Variants in OSBPL5 observed in about 807,000 individuals in gnomAD.
OSBPL5 encodes the protein oxysterol binding protein like 5.
In OSBPL5, 71 loss-of-function variants were observed where a neutral mutation model predicts 111.2. The ratio of observed to expected loss-of-function variants is 0.64; its 90% CI spans 0.53 to 0.78. OSBPL5 has a LOEUF of 0.78. Among genes scored for constraint, OSBPL5 ranks in the 30% least tolerant of loss-of-function variants. The pLI, the probability that OSBPL5 is intolerant of heterozygous loss-of-function variation, is 0.00. For missense variants in OSBPL5, 1,210 were observed against 1,189.3 expected (o/e 1.02, Z -0.26); for synonymous variants, 549 against 513.9 (o/e 1.07, Z -0.93).
intron 3 of OSBPL5, among the ~76,000 whole-genome samples, chr11:3,123,861 C>A (rs1048313253): frequency 6.6e-6 from 1 of 152,218 alleles, no homozygotes; most frequent in African/African-American, 2.4e-5. Flanking sequence ...GAAATCAAGG[C>A]ACAGAGAGGT....
At chr11:3,100,090 G>A in intron 14 of OSBPL5, 68 bp downstream of exon 14, 1 of 1,408,030 alleles carries the variant, frequency 7.1e-7, no homozygotes, top group Non-Finnish European at 1.0e-6. Flanking sequence ...ATAACCAAAG[G>A]GTTTTAGCAT....
In OSBPL5 at chr11:3,120,529, C is replaced by G. The variant is rs774515590; in HGVS notation, c.498G>C (p.Val166=). 1.5e-5 allele frequency: 24 copies of G among 1,613,222 alleles called. No homozygotes were observed. The highest frequency in any genetic ancestry group is 1.9e-5 in the Non-Finnish European group (23 of 1,180,018). Residue 166 remains valine, a synonymous_variant, in exon 6 of 22, where the codon GTG becomes GTC. Transcript: ENST00000263650. The stretch of plus-strand genomic sequence containing the variant: ...CGCAGCAGTGCAGCAGCACCGTGCC[C>G]ACCCACTGGCCCACCTTGGGCGTCT... ...IYKTPKVGQW[V]GTVLLHCCEL... is the part of the protein sequence containing the mutation.
In OSBPL5 at chr11:3,154,821, C is replaced by T. The variant is rs148727724; in HGVS notation, c.-22+10395G>A. 0.021 allele frequency among the ~76,000 whole-genome samples: 3,203 copies of T among 152,128 alleles called. 64 individuals carry two copies. Among genetic ancestry groups the T allele is most frequent in the African/African-American group, 0.04 (1,673 of 41,474 alleles). On this transcript the variant is annotated intron_variant, in intron 1 of 21. Transcript: ENST00000263650. The surrounding 1 kb of genome is among the most constrained non-coding windows in gnomAD (Gnocchi z 4.9). ...CCCCCTATATACCTAATGTAAATGA[C>T]GAGTTAATGGGTGCGGCACACCAAC...
chr11:3,132,747 G>A (rs1845846465), intron 1 of OSBPL5, among the ~76,000 whole-genome samples: 1 of 152,192 alleles, frequency 6.6e-6, no homozygotes. Context: ...GATTCTCCAC[G>A]TAGCACTGGG....
chr11:3,143,503 G>A (rs529954822), intron 1 of OSBPL5, among the ~76,000 whole-genome samples: 22 of 152,306 alleles, frequency 1.4e-4, no homozygotes, highest in African/African-American at 4.6e-4. Context: ...TGCAACGGAT[G>A]GAAGAACATT....
chr11:3,093,256 C>T (rs1373265712), intron 17 of OSBPL5: 2 of 740,858 alleles, frequency 2.7e-6, no homozygotes, highest in Non-Finnish European at 4.3e-6. Flanking sequence ...TCCCATCTCC[C>T]GCCTGCAGGG....
rs1283906180 is a variant in OSBPL5, at chr11:3,092,400, C to A, written c.2259+32G>T. The stretch of plus-strand genomic sequence containing the variant: ...GTGGTGGCCACACGTGCAGCTAAGA[C>A]CAGCCCTGGGTGGGGCCTGTGGGGT... On this transcript the variant is annotated intron_variant, in intron 19 of 21. Coordinates refer to ENST00000263650, the MANE Select transcript of OSBPL5 (RefSeq NM_020896.4). This position sits in a 1 kb window ranked among gnomAD's most constrained non-coding sequence, Gnocchi z 5.4. 6.5e-7 allele frequency: 1 copy of A among 1,547,696 alleles called. No individual in the cohort carries two copies. Among genetic ancestry groups the A allele is most frequent in the South Asian group, 1.2e-5 (1 of 83,686 alleles).
At position 3,109,794 on chromosome 11, in the gene OSBPL5, T is replaced by C. The variant is rs1857850989; in HGVS notation, c.692-1849A>G. Among the ~76,000 whole-genome samples the C allele has an allele frequency of 6.6e-6, 1 of 152,160 alleles. No individual in the cohort carries two copies. Among genetic ancestry groups the C allele is most frequent in the Non-Finnish European group, 1.5e-5 (1 of 68,022 alleles). ...GTTGGCCCCAGGGCCTGAACACGTGTGCTTTGTAGCTGCCACAAAGGACTA... is the reference window on the plus strand; with the variant it reads ...GTTGGCCCCAGGGCCTGAACACGTGCGCTTTGTAGCTGCCACAAAGGACTA... On this transcript the variant is annotated intron_variant, in intron 7 of 21. Coordinates refer to ENST00000263650, the MANE Select transcript of OSBPL5 (RefSeq NM_020896.4). The surrounding 1 kb of genome is among the most constrained non-coding windows in gnomAD (Gnocchi z 7.4).
Position 3,088,110 on chromosome 11 carries a change from T to G in OSBPL5, c.*95A>C. 6 of 1,229,216 alleles carry G rather than the reference T, an allele frequency of 4.9e-6. No homozygotes were observed. Among genetic ancestry groups the G allele is most frequent in the Non-Finnish European group, 6.5e-6 (6 of 921,262 alleles). 76.1% of individuals were successfully genotyped at this position (1,229,216 alleles called of 1,614,324 possible). A position where few individuals can be genotyped will look rare whatever the true frequency, so the allele number is the denominator to read the frequency against. On this transcript the variant is annotated 3_prime_UTR_variant, in exon 22 of 22. Transcript: ENST00000263650. ...GACTCCCCGTCACAGTGGCTGTGCT[T>G]GCCGGGCCTCTCTGCCTCCATGGAG...
chr11:3,123,206 A>G (rs1405089896), intron 3 of OSBPL5, among the ~76,000 whole-genome samples: 1 of 152,152 alleles, frequency 6.6e-6, no homozygotes, highest in African/African-American at 2.4e-5. Context: ...CAGATGGGGA[A>G]CCTGAGGCAG....
In OSBPL5 at chr11:3,161,580, C is replaced by T. The variant is rs187723414; in HGVS notation, c.-22+3636G>A. On this transcript the variant is annotated intron_variant, in intron 1 of 21. Coordinates refer to ENST00000263650, the MANE Select transcript of OSBPL5 (RefSeq NM_020896.4). This position sits in a 1 kb window ranked among gnomAD's most constrained non-coding sequence, Gnocchi z 8.0. Reference sequence around the variant, plus strand: ...TGTGCCAGCCCCTGGGAAGAGAGCCCGGAGCAGACTTGCAGGCAACCGTGC... The same window carrying T: ...TGTGCCAGCCCCTGGGAAGAGAGCCTGGAGCAGACTTGCAGGCAACCGTGC... Among the ~76,000 whole-genome samples the T allele has an allele frequency of 1.3e-3, 191 of 152,268 alleles. No homozygotes were observed. The highest frequency in any genetic ancestry group is 4.1e-3 in the African/African-American group (172 of 41,562).
chr11:3,152,138 A>G (rs1846612184), intron 1 of OSBPL5, among the ~76,000 whole-genome samples: 1 of 152,164 alleles, frequency 6.6e-6, no homozygotes, highest in African/African-American at 2.4e-5. Flanking sequence ...TCTCTATTTA[A>G]GGGAGGCAGG....
chr11:3,149,320 C>T (rs558016762), intron 1 of OSBPL5, among the ~76,000 whole-genome samples: 6 of 152,324 alleles, frequency 3.9e-5, no homozygotes, highest in South Asian at 2.1e-4. Context: ...GGGGGGCAGT[C>T]GCCCTTTGGG....
At chr11:3,101,330 T>A (rs1056109839) in intron 13 of OSBPL5, among the ~76,000 whole-genome samples, 1 of 152,168 alleles carries the variant, frequency 6.6e-6, no homozygotes, top group African/African-American at 2.4e-5. Flanking sequence ...CTGGGGCTGC[T>A]CAGCCCCAGT....
chr11:3,103,012 A>G (rs1388571402), intron 11 of OSBPL5, among the ~76,000 whole-genome samples: 1 of 151,916 alleles, frequency 6.6e-6, no homozygotes, highest in Non-Finnish European at 1.5e-5. Context: ...GAGGGATGAG[A>G]CCACCCTTGG....
At chr11:3,119,447 G>T in intron 7 of OSBPL5, 100 bp downstream of exon 7, 3 of 1,200,444 alleles carry the variant, frequency 2.5e-6, no homozygotes, top group Admixed American at 5.7e-5. Flanking sequence ...GACAGTAGAA[G>T]GGACTGAACT....
chr11:3,157,950 T>C (rs1416314258), intron 1 of OSBPL5, among the ~76,000 whole-genome samples: 1 of 152,202 alleles, frequency 6.6e-6, no homozygotes, highest in Non-Finnish European at 1.5e-5. Context: ...TGGGTGCCAG[T>C]CACCAACAGA....
intron 1 of OSBPL5, among the ~76,000 whole-genome samples, chr11:3,159,738 T>C (rs1453765238): frequency 1.3e-5 from 2 of 151,878 alleles, no homozygotes; most frequent in Admixed American, 1.3e-4. Flanking sequence ...GTCAGGGAGA[T>C]GGTGGCTGGA....
rs1448622629 is a variant in OSBPL5, at chr11:3,142,182, G to T, written c.-21-13013C>A. 6.6e-6 allele frequency among the ~76,000 whole-genome samples: 1 copy of T among 152,336 alleles called. No homozygotes were observed. The highest frequency in any genetic ancestry group is 2.4e-5 in the African/African-American group (1 of 41,580). On this transcript the variant is annotated intron_variant, in intron 1 of 21. Transcript: ENST00000263650. The surrounding 1 kb of genome is among the most constrained non-coding windows in gnomAD (Gnocchi z 7.1). ...GATCTGCCCTCCTCGGCGTCCCAAA[G>T]TGCTGGGATTACAGGCGTGAGCCAC...
Sources: allele counts gnomAD v4.1 joint callset (sites outside exome capture counted in the v4.1 genomes callset), GRCh38; gene constraint gnomAD v4.1.1; non-coding constraint Gnocchi (gnomAD v3.1); transcripts MANE v1.5; gene names NCBI Gene and HGNC (gene_info 2026-07-23, HGNC 2026-07-21).